The following CDH12 variants were observed in gnomAD, a reference collection of about 807,000 sequenced individuals.
CDH12 encodes cadherin 12, also known as cadherin-12.
In CDH12, 41 loss-of-function variants were observed where a neutral mutation model predicts 74.1. The ratio of observed to expected loss-of-function variants is 0.55; its 90% CI spans 0.43 to 0.72. CDH12 has a LOEUF of 0.72. Ranked by LOEUF, CDH12 falls within the 30% of genes least tolerant of loss-of-function variation. CDH12 has a pLI of 0.00. For missense variants in CDH12, 945 were observed against 977.2 expected, an observed-to-expected ratio of 0.97 and a Z score of 0.44; for synonymous variants, 399 against 355.0, an observed-to-expected ratio of 1.12 and a Z score of -1.39.
intron 6 of CDH12, among the ~76,000 whole-genome samples, chr5:21,933,875 C>T (rs999383064): frequency 6.6e-6 from 1 of 152,134 alleles, no homozygotes; most frequent in African/African-American, 2.4e-5. Flanking sequence ...TGGCAGTGTA[C>T]TCCCCTGTGA....
chr5:21,879,452 G>A (rs1185182705), intron 6 of CDH12, among the ~76,000 whole-genome samples: 1 of 152,078 alleles, frequency 6.6e-6, no homozygotes, highest in Non-Finnish European at 1.5e-5. Context: ...GTTACTTATG[G>A]CAGTGAAATA....
chr5:21,869,957 C>T lies in CDH12; in HGVS notation c.527-15167G>A, dbSNP rs139499478. On this transcript the variant is annotated intron_variant, in intron 6 of 14. Coordinates refer to ENST00000382254, the MANE Select transcript of CDH12 (RefSeq NM_004061.5). ...TAATTCCCATGTGTTGTGGGAGGGA[C>T]CTGGTGGAAGAAAACTGAATTATGG... 4.9e-3 allele frequency among the ~76,000 whole-genome samples: 751 copies of T among 152,180 alleles called. 8 individuals are homozygous for T. Among genetic ancestry groups the T allele is most frequent in the African/African-American group, 0.017 (716 of 41,534 alleles).
Position 22,162,515 on chromosome 5 carries a change from G to A in CDH12, c.-187+49983C>T, listed in dbSNP as rs544835700. ...CCTGGAACACTGGGGAGAATACAAC[G>A]TCAAGCTCCCAATGCCAAAGTGTTG... On this transcript the variant is annotated intron_variant, in intron 4 of 14. Coordinates refer to ENST00000382254, the MANE Select transcript of CDH12 (RefSeq NM_004061.5). Among the ~76,000 whole-genome samples, 90 of 152,270 alleles carry A rather than the reference G, an allele frequency of 5.9e-4. 2 individuals carry two copies. Among genetic ancestry groups the A allele is most frequent in the African/African-American group, 1.9e-3 (79 of 41,556 alleles).
intron 6 of CDH12, among the ~76,000 whole-genome samples, chr5:21,960,270 A>T (rs2150109457): frequency 6.6e-6 from 1 of 152,304 alleles, no homozygotes; most frequent in Admixed American, 6.5e-5. Context: ...ATGCTCTAAA[A>T]TTGACCACAT....
chr5:21,821,863 C>T (rs980054787), intron 8 of CDH12, among the ~76,000 whole-genome samples: 17 of 151,878 alleles, frequency 1.1e-4, no homozygotes, highest in South Asian at 6.2e-4. Context: ...GAGTGATTTA[C>T]CTTCTAATGG....
intron 9 of CDH12, among the ~76,000 whole-genome samples, chr5:21,813,208 G>C (rs971161214): frequency 1.3e-5 from 2 of 152,110 alleles, no homozygotes; most frequent in African/African-American, 4.8e-5. Flanking sequence ...GCCAGGTGTG[G>C]TGGCTCATGC....
In CDH12 at chr5:22,326,273, C is replaced by G. The variant is rs549954497; in HGVS notation, c.-333+78984G>C. Among the ~76,000 whole-genome samples the G allele has an allele frequency of 2.6e-5, 4 of 151,560 alleles. No homozygotes were observed. In the East Asian group the frequency reaches 7.8e-4, roughly 30 times the overall value. ...TTTTTGAGACGGATTCTCCCTCTGT[C>G]GCCCAGGCTGGAGTGCAGTGGCGCG... is the stretch of plus-strand genomic sequence containing the variant. On this transcript the variant is annotated intron_variant, in intron 3 of 14. Transcript: ENST00000382254.
At chr5:22,483,173 T>A (rs546857758) in intron 2 of CDH12, among the ~76,000 whole-genome samples, 1 of 152,262 alleles carries the variant, frequency 6.6e-6, no homozygotes, top group African/African-American at 2.4e-5. Context: ...ATGTAACCAC[T>A]TTTGAGACTA....
chr5:21,844,756 C>T (rs990286506), intron 7 of CDH12, among the ~76,000 whole-genome samples: 7 of 151,906 alleles, frequency 4.6e-5, no homozygotes, highest in African/African-American at 1.7e-4. Context: ...TATAGGTTGG[C>T]AAATAACCAG....
intron 2 of CDH12, among the ~76,000 whole-genome samples, chr5:22,414,242 G>T (rs930370627): frequency 4.6e-5 from 7 of 151,856 alleles, no homozygotes; most frequent in African/African-American, 1.7e-4. Context: ...AATTCAATTT[G>T]TCCATTTGAT....
intron 1 of CDH12, among the ~76,000 whole-genome samples, chr5:22,677,884 G>C (rs1741282273): frequency 6.6e-6 from 1 of 152,068 alleles, no homozygotes; most frequent in African/African-American, 2.4e-5. Context: ...TTCTAGTGAA[G>C]GACCTCTTCC....
intron 3 of CDH12, among the ~76,000 whole-genome samples, chr5:22,303,868 A>G (rs1737995784): frequency 6.6e-6 from 1 of 152,136 alleles, no homozygotes; most frequent in Non-Finnish European, 1.5e-5. Context: ...TGCTTGTATG[A>G]TAGCTCAGAG....
In CDH12 at chr5:22,709,949, G is replaced by A. The variant is rs147837484; in HGVS notation, c.-523+143109C>T. Among the ~76,000 whole-genome samples, 1,110 of 152,232 alleles carry A rather than the reference G, an allele frequency of 7.3e-3. 10 individuals carry two copies. The highest frequency in any genetic ancestry group is 0.026 in the African/African-American group (1,064 of 41,554). On this transcript the variant is annotated intron_variant, in intron 1 of 14. Transcript: ENST00000382254. The stretch of plus-strand genomic sequence containing the variant: ...TATGTGTAGGTTTTCTGGCAAGTAG[G>A]AACATGGTGTAGGTGTTACCTTAGA...
intron 5 of CDH12, among the ~76,000 whole-genome samples, chr5:21,987,685 C>G (rs1757574123): frequency 6.6e-6 from 1 of 152,200 alleles, no homozygotes; most frequent in South Asian, 2.1e-4. Flanking sequence ...TATGATTAAA[C>G]TCCTTGATTG....
intron 3 of CDH12, among the ~76,000 whole-genome samples, chr5:22,380,153 A>G (rs1195669566): frequency 1.3e-5 from 2 of 152,206 alleles, no homozygotes; most frequent in Admixed American, 6.5e-5. Flanking sequence ...AGAAAAAGAA[A>G]GGAGGGTAAA....
chr5:22,426,827 C>T lies in CDH12; in HGVS notation c.-427-21476G>A, dbSNP rs376708423. Among the ~76,000 whole-genome samples, 5 of 152,180 alleles carry T rather than the reference C, an allele frequency of 3.3e-5. No homozygotes were observed. In the East Asian group the frequency reaches 9.6e-4, roughly 29 times the overall value. On this transcript the variant is annotated intron_variant, in intron 2 of 14. Transcript: ENST00000382254. ...GAAAATGGGACTTTTAGGAAAGCCA[C>T]ACTGTAAGACTTTGATGTTTTACCT...
At chr5:22,158,281 A>G (rs1194447430) in intron 4 of CDH12, among the ~76,000 whole-genome samples, 1 of 152,044 alleles carries the variant, frequency 6.6e-6, no homozygotes, top group Admixed American at 6.6e-5. Context: ...TATTGGTGAT[A>G]AACACCATTT....
chr5:22,552,423 A>G lies in CDH12; in HGVS notation c.-522-47059T>C, dbSNP rs373410099. The stretch of plus-strand genomic sequence containing the variant: ...AATGAAAAGACACCTTAACACCCCC[A>G]TTTTCTTTTCTTTTTTTTTTTTTTA... On this transcript the variant is annotated intron_variant, in intron 1 of 14. Transcript: ENST00000382254. Among the ~76,000 whole-genome samples the G allele has an allele frequency of 3.1e-4, 44 of 143,218 alleles. No homozygotes were observed. The East Asian group carries it at 3.2e-3, about 11-fold the overall frequency. 94.0% of individuals were successfully genotyped at this position (143,218 alleles called of 152,430 possible). A position where few individuals can be genotyped will look rare whatever the true frequency, so the allele number is the denominator to read the frequency against.
At chr5:22,848,987 ATGT>A (rs1737428970) in intron 1 of CDH12, among the ~76,000 whole-genome samples, 1 of 142,976 alleles carries the variant, frequency 7.0e-6, no homozygotes, top group Admixed American at 7.0e-5. Context: ...TCATCAAAAA[ATGT>A]TTTTTTTTTA....
Sources: allele counts gnomAD v4.1 joint callset (sites outside exome capture counted in the v4.1 genomes callset), GRCh38; gene constraint gnomAD v4.1.1; transcripts MANE v1.5; gene names NCBI Gene and HGNC (gene_info 2026-07-23, HGNC 2026-07-21).